Variants in ABLIM2 observed in about 807,000 individuals in gnomAD.
ABLIM2 encodes the protein actin binding LIM protein family member 2.
A neutral mutation model predicts 97.7 loss-of-function variants in ABLIM2; 53 were observed. That is an observed-to-expected ratio of 0.54 (90% CI 0.44 to 0.68). The LOEUF (loss-of-function observed/expected upper bound fraction) is 0.68. Among genes scored for constraint, ABLIM2 ranks in the 30% least tolerant of loss-of-function variants. The pLI is 0.00. For synonymous variants in ABLIM2, 361 were observed against 345.8 expected (o/e 1.04, Z -0.49); for missense variants, 835 against 867.2 (o/e 0.96, Z 0.47).
At chr4:8,103,839 G>A (rs997983962) in intron 2 of ABLIM2, among the ~76,000 whole-genome samples, 8 of 152,228 alleles carry the variant, frequency 5.3e-5, no homozygotes, top group African/African-American at 1.9e-4. Flanking sequence ...GATGCATTTT[G>A]CTGCATGCCC....
intron 1 of ABLIM2, among the ~76,000 whole-genome samples, chr4:8,131,312 G>C (rs1849325684): frequency 6.6e-6 from 1 of 152,198 alleles, no homozygotes; most frequent in African/African-American, 2.4e-5. Flanking sequence ...TCCTTGTGAT[G>C]TGCTCTACTA....
rs1370061692 is a variant in ABLIM2, at chr4:8,016,865, G to A, written c.1423+2753C>T. ...TGAACTCTGTTTCTAGGCAGCTTAT[G>A]TGAAACGCTTTTGCTAAGAAGAGCT... On this transcript the variant is annotated intron_variant, in intron 14 of 20. Coordinates refer to ENST00000447017, the MANE Select transcript of ABLIM2 (RefSeq NM_001130083.2). 2.0e-5 allele frequency among the ~76,000 whole-genome samples: 3 copies of A among 152,210 alleles called. No individual in the cohort carries two copies. In the East Asian group the frequency reaches 5.8e-4, roughly 29 times the overall value.
At chr4:7,977,618 C>T (rs1405444339) in intron 20 of ABLIM2, among the ~76,000 whole-genome samples, 1 of 151,928 alleles carries the variant, frequency 6.6e-6, no homozygotes, top group Non-Finnish European at 1.5e-5. Context: ...GGTGAAACCC[C>T]ATCTCTATTA....
At position 8,120,156 on chromosome 4, in the gene ABLIM2, G is replaced by A. The variant is rs111852942; in HGVS notation, c.11-13519C>T. Among the ~76,000 whole-genome samples the A allele has an allele frequency of 7.6e-4, 115 of 152,220 alleles. No homozygotes were observed. The highest frequency in any genetic ancestry group is 2.6e-3 in the African/African-American group (109 of 41,548). On this transcript the variant is annotated intron_variant, in intron 1 of 20. Transcript: ENST00000447017. The surrounding 1 kb of genome is among the most constrained non-coding windows in gnomAD (Gnocchi z 5.6). ...GGCAGGAAGAGAAAAACAGCCCAGC[G>A]GCCACGCTGCCCCTTCCTCCCAGAA...
At position 7,999,780 on chromosome 4, in the gene ABLIM2, C is replaced by T. The variant is rs1467095789; in HGVS notation, c.1619-6853G>A. On this transcript the variant is annotated intron_variant, in intron 16 of 20. Coordinates refer to ENST00000447017, the MANE Select transcript of ABLIM2 (RefSeq NM_001130083.2). The surrounding 1 kb of genome is among the most constrained non-coding windows in gnomAD (Gnocchi z 4.4). ...GCAGGCACCAGAGGCCTACCCACTCCATGCCCAGGCTCAGCCAAACCAGGC... is the reference window on the plus strand; with the variant it reads ...GCAGGCACCAGAGGCCTACCCACTCTATGCCCAGGCTCAGCCAAACCAGGC... Among the ~76,000 whole-genome samples, 1 of 152,206 alleles carries T rather than the reference C, an allele frequency of 6.6e-6. No homozygotes were observed. Among genetic ancestry groups the T allele is most frequent in the Non-Finnish European group, 1.5e-5 (1 of 68,030 alleles).
At chr4:8,137,415 C>G (rs1850342957) in intron 1 of ABLIM2, among the ~76,000 whole-genome samples, 1 of 152,172 alleles carries the variant, frequency 6.6e-6, no homozygotes, top group African/African-American at 2.4e-5. Context: ...TGGGGAGTGG[C>G]CACAGACATC....
In ABLIM2 at chr4:7,969,982, A is replaced by G. The variant is rs192802954; in HGVS notation, c.1825-2879T>C. ...CGTCTCTTAAGACATTTGACACTCA[A>G]TGTGTCATTTAAGATAGCAGCCCTG... is the stretch of plus-strand genomic sequence containing the variant. On this transcript the variant is annotated intron_variant, in intron 20 of 20. Transcript: ENST00000447017. Among the ~76,000 whole-genome samples, 247 of 152,306 alleles carry G rather than the reference A, an allele frequency of 1.6e-3. 5 individuals carry two copies. Among genetic ancestry groups the G allele is most frequent in the Non-Finnish European group, 5.3e-4 (36 of 68,016 alleles).
In ABLIM2 at chr4:8,068,366, G is replaced by C. The variant is rs986961157; in HGVS notation, c.676-7312C>G. On this transcript the variant is annotated intron_variant, in intron 6 of 20. Coordinates refer to ENST00000447017, the MANE Select transcript of ABLIM2 (RefSeq NM_001130083.2). The surrounding 1 kb of genome is among the most constrained non-coding windows in gnomAD (Gnocchi z 4.5). ...CCAGGGAAGCACACCCACAGCCTGTGGTGGCTCAGGGTGACCACAGGTCCT... is the reference window on the plus strand; with the variant it reads ...CCAGGGAAGCACACCCACAGCCTGTCGTGGCTCAGGGTGACCACAGGTCCT... 6.6e-6 allele frequency among the ~76,000 whole-genome samples: 1 copy of C among 152,208 alleles called. No homozygotes were observed. Among genetic ancestry groups the C allele is most frequent in the African/African-American group, 2.4e-5 (1 of 41,450 alleles).
chr4:8,078,122 CCA>C (rs1319948687), intron 5 of ABLIM2, among the ~76,000 whole-genome samples: 1 of 152,134 alleles, frequency 6.6e-6, no homozygotes, highest in Non-Finnish European at 1.5e-5. Flanking sequence ...GTAAGGGCAC[CCA>C]CATTGGGAAC....
At position 8,044,420 on chromosome 4, in the gene ABLIM2, C is replaced by T. The variant is rs1038183776; in HGVS notation, c.900+744G>A. On this transcript the variant is annotated intron_variant, in intron 9 of 20. Transcript: ENST00000447017. This position sits in a 1 kb window ranked among gnomAD's most constrained non-coding sequence, Gnocchi z 4.4. The stretch of plus-strand genomic sequence containing the variant: ...TATTTACACAAGCAATATTAGCAAA[C>T]ATTAAATACAATATTAAATATTAAA... Among the ~76,000 whole-genome samples the T allele has an allele frequency of 2.0e-5, 3 of 151,760 alleles. No homozygotes were observed. Among genetic ancestry groups the T allele is most frequent in the East Asian group, 1.9e-4 (1 of 5,176 alleles).
chr4:8,070,857 C>G (rs1052722432), intron 6 of ABLIM2, among the ~76,000 whole-genome samples: 11 of 152,124 alleles, frequency 7.2e-5, no homozygotes, highest in African/African-American at 2.2e-4. Context: ...CAGGGGGACG[C>G]TGGGCTTCTT....
chr4:8,055,196 C>T (rs949870370), intron 7 of ABLIM2, among the ~76,000 whole-genome samples: 18 of 152,176 alleles, frequency 1.2e-4, no homozygotes, highest in South Asian at 6.2e-4. Flanking sequence ...TGCATTAGTG[C>T]GATCCTTCTT....
chr4:8,040,270 G>A (rs1787505264), intron 9 of ABLIM2, among the ~76,000 whole-genome samples: 1 of 152,138 alleles, frequency 6.6e-6, no homozygotes, highest in Non-Finnish European at 1.5e-5. Flanking sequence ...CAGAGCAGGG[G>A]GCCAGGCGCA....
rs551466340 is a variant in ABLIM2, at chr4:7,996,990, G to T, written c.1619-4063C>A. Among the ~76,000 whole-genome samples the T allele has an allele frequency of 6.6e-6, 1 of 152,044 alleles. No homozygotes were observed. Reference sequence around the variant, plus strand: ...TTTTTGGGGTTTATCCTCTTTCTTTGGGACTCACTTGGTTTCTGGAACTTG... The same window carrying T: ...TTTTTGGGGTTTATCCTCTTTCTTTTGGACTCACTTGGTTTCTGGAACTTG... On this transcript the variant is annotated intron_variant, in intron 16 of 20. Coordinates refer to ENST00000447017, the MANE Select transcript of ABLIM2 (RefSeq NM_001130083.2). The surrounding 1 kb of genome is among the most constrained non-coding windows in gnomAD (Gnocchi z 4.5).
intron 8 of ABLIM2, among the ~76,000 whole-genome samples, chr4:8,052,482 G>A (rs1306486484): frequency 6.6e-6 from 1 of 152,246 alleles, no homozygotes; most frequent in Non-Finnish European, 1.5e-5. Flanking sequence ...CTGCGATCCT[G>A]GCCAAGCTCA....
chr4:8,025,413 G>T, intron 12 of ABLIM2, among the ~76,000 whole-genome samples: 1 of 152,124 alleles, frequency 6.6e-6, no homozygotes, highest in East Asian at 1.9e-4. Flanking sequence ...CCACATTGTG[G>T]TGGGGGGTGG....
Position 8,021,705 on chromosome 4 carries a change from C to T in ABLIM2, c.1268-1402G>A, listed in dbSNP as rs1485918327. On this transcript the variant is annotated intron_variant, in intron 12 of 20. Transcript: ENST00000447017. The surrounding 1 kb of genome is among the most constrained non-coding windows in gnomAD (Gnocchi z 5.5). The stretch of plus-strand genomic sequence containing the variant: ...GGGGCTCTTGCCTGGTGGTGGGCTG[C>T]ATGCAGCGGGAGGTCACCTAGGAGC... Among the ~76,000 whole-genome samples the T allele has an allele frequency of 1.3e-5, 2 of 152,254 alleles. No individual in the cohort carries two copies. Among genetic ancestry groups the T allele is most frequent in the South Asian group, 2.1e-4 (1 of 4,834 alleles).
intron 1 of ABLIM2, among the ~76,000 whole-genome samples, chr4:8,143,237 C>T (rs1031053737): frequency 6.6e-6 from 1 of 151,438 alleles, no homozygotes; most frequent in African/African-American, 2.4e-5. Context: ...GAGGCCCAGG[C>T]ATCTGCCTGT....
intron 6 of ABLIM2, among the ~76,000 whole-genome samples, chr4:8,065,305 A>G (rs1319737615): frequency 1.3e-5 from 2 of 152,240 alleles, no homozygotes; most frequent in South Asian, 2.1e-4. Flanking sequence ...CACTTCTTCA[A>G]TGAAAATATA....
Sources: gnomAD v4.1 joint callset for allele counts (sites outside exome capture counted in the v4.1 genomes callset) on GRCh38, gnomAD v4.1.1 for gene constraint, Gnocchi (gnomAD v3.1) non-coding constraint, MANE v1.5 for transcripts, NCBI Gene and HGNC (gene_info 2026-07-23, HGNC 2026-07-21) for gene names.